PKIA: variants seen among roughly 807,000 people sequenced by gnomAD.
PKIA encodes PKI-alpha.
PKIA carries 4 observed loss-of-function variants against 7.6 expected under a neutral mutation model. The ratio of observed to expected loss-of-function variants is 0.52; its 90% CI spans 0.26 to 1.20. The LOEUF is 1.20. Among genes scored for constraint, PKIA ranks in the 50% most tolerant of loss-of-function variants. PKIA has a pLI of 0.13. For missense variants in PKIA, 73 were observed against 86.2 expected (o/e 0.85, Z 0.61); for synonymous variants, 21 against 30.7 (o/e 0.68, Z 1.04).
At chr8:78,576,221 C>T (rs1807671568) in intron 2 of PKIA, among the ~76,000 whole-genome samples, 1 of 152,002 alleles carries the variant, frequency 6.6e-6, no homozygotes, top group African/African-American at 2.4e-5. Context: ...TTGCATTTCC[C>T]TAATTACCAA....
At chr8:78,563,933 T>C (rs1390581506) in intron 1 of PKIA, among the ~76,000 whole-genome samples, 1 of 152,102 alleles carries the variant, frequency 6.6e-6, no homozygotes, top group African/African-American at 2.4e-5. Flanking sequence ...TGCTGTGAAG[T>C]TCTTGATCAG....
chr8:78,580,866 T>C (rs1563588017), intron 2 of PKIA, among the ~76,000 whole-genome samples: 1 of 152,046 alleles, frequency 6.6e-6, no homozygotes, highest in Admixed American at 6.6e-5. Context: ...AGTGCTGGTT[T>C]TCAATATATT....
At chr8:78,587,804 C>T (rs7829454) in intron 2 of PKIA, among the ~76,000 whole-genome samples, 40,174 of 152,032 alleles carry the variant, frequency 0.26, 6,664 homozygotes, top group African/African-American at 0.47. Context: ...GAGATCATAA[C>T]TGTGTTTATC....
rs1292124948 is a variant in PKIA at position 78,602,541 on chromosome 8, G to A, written c.*720G>A. The A allele has an allele frequency of 1.3e-5, 2 of 152,140 alleles. No homozygotes were observed. The highest frequency in any genetic ancestry group is 2.9e-5 in the Non-Finnish European group (2 of 67,902). The allele number at this position is 152,140 out of a possible 1,614,324, so 9.4% of individuals were successfully genotyped here. ...GTTGATGAGTTGATTAAGTCTAACA[G>A]ATTCATCAAGACTCCATTGCTTTAT... On this transcript the variant is annotated 3_prime_UTR_variant, in exon 4 of 4. Transcript: ENST00000396418.
chr8:78,550,023 G>T (rs942395624), intron 1 of PKIA, among the ~76,000 whole-genome samples: 13 of 151,968 alleles, frequency 8.6e-5, no homozygotes, highest in Non-Finnish European at 1.2e-4. Flanking sequence ...GCAAAGATCC[G>T]TTTCTTCCTC....
intron 3 of PKIA, among the ~76,000 whole-genome samples, chr8:78,600,719 G>T (rs942505309): frequency 1.3e-5 from 2 of 152,048 alleles, no homozygotes; most frequent in Non-Finnish European, 2.9e-5. Flanking sequence ...TACTGCTTTA[G>T]AAGAAAATAT....
At chr8:78,562,420 A>G (rs1347629040) in intron 1 of PKIA, among the ~76,000 whole-genome samples, 1 of 152,200 alleles carries the variant, frequency 6.6e-6, no homozygotes, top group Admixed American at 6.5e-5. Flanking sequence ...TGTCCTGCTT[A>G]AAACTTCTAA....
intron 1 of PKIA, among the ~76,000 whole-genome samples, chr8:78,521,654 A>G: frequency 6.6e-6 from 1 of 152,050 alleles, no homozygotes; most frequent in Middle Eastern, 3.2e-3. Flanking sequence ...AATGTTATGA[A>G]AACTTTATAA....
Position 78,604,537 on chromosome 8 carries a change from C to T in PKIA, c.*2716C>T, listed in dbSNP as rs974000680. The T allele has an allele frequency of 1.3e-5, 2 of 151,750 alleles. No individual in the cohort carries two copies. Among genetic ancestry groups the T allele is most frequent in the Non-Finnish European group, 2.9e-5 (2 of 67,910 alleles). The allele number at this position is 151,750 out of a possible 1,614,324, so 9.4% of individuals were successfully genotyped here. The stretch of plus-strand genomic sequence containing the variant: ...GGAGAAATTGCCGTTCTCAAGGCTC[C>T]CTGGATGGGTAATAACACAGATATG... On this transcript the variant is annotated 3_prime_UTR_variant, in exon 4 of 4. Coordinates refer to ENST00000396418, the MANE Select transcript of PKIA (RefSeq NM_006823.4).
rs76792005 is a variant in PKIA at position 78,575,598 on chromosome 8, T to A, written c.-28+2659T>A. Among the ~76,000 whole-genome samples the A allele has an allele frequency of 1.1e-4, 17 of 152,150 alleles. No homozygotes were observed. In the East Asian group the frequency reaches 3.3e-3, roughly 29 times the overall value. On this transcript the variant is annotated intron_variant, in intron 2 of 3. Transcript: ENST00000396418. ...TGAGCATGTATTTTAATGCCTCCTA[T>A]TATACACGTGCAAGATTTATCTTAA...
At chr8:78,518,114 G>A (rs1254166643) in intron 1 of PKIA, among the ~76,000 whole-genome samples, 2 of 151,948 alleles carry the variant, frequency 1.3e-5, no homozygotes, top group Non-Finnish European at 2.9e-5. Context: ...TACAAATTTC[G>A]TTTTTACAAA....
intron 1 of PKIA, among the ~76,000 whole-genome samples, chr8:78,537,362 A>G (rs573392743): frequency 4.6e-5 from 7 of 151,798 alleles, no homozygotes; most frequent in Non-Finnish European, 7.4e-5. Context: ...AACTGACTAA[A>G]TTTTTCCAAT....
At chr8:78,524,564 T>A (rs976469063) in intron 1 of PKIA, among the ~76,000 whole-genome samples, 5 of 151,378 alleles carry the variant, frequency 3.3e-5, no homozygotes, top group Non-Finnish European at 7.4e-5. Context: ...TAAAAAAGAG[T>A]TTTATGATAA....
At chr8:78,518,128 C>T (rs1187518224) in intron 1 of PKIA, among the ~76,000 whole-genome samples, 1 of 152,146 alleles carries the variant, frequency 6.6e-6, no homozygotes, top group Non-Finnish European at 1.5e-5. Context: ...TTACAAAATG[C>T]ACTTTAGAAA....
chr8:78,560,916 T>C (rs1807268037), intron 1 of PKIA, among the ~76,000 whole-genome samples: 1 of 152,226 alleles, frequency 6.6e-6, no homozygotes, highest in South Asian at 2.1e-4. Flanking sequence ...TCTAGTAAGC[T>C]GCAAAACCTA....
chr8:78,573,599 A>T (rs1464517884), intron 2 of PKIA, among the ~76,000 whole-genome samples: 1 of 152,038 alleles, frequency 6.6e-6, no homozygotes, highest in Non-Finnish European at 1.5e-5. Flanking sequence ...AACAGCAGTA[A>T]CATCATAATA....
intron 1 of PKIA, among the ~76,000 whole-genome samples, chr8:78,559,629 G>C (rs1056273968): frequency 6.6e-6 from 1 of 152,178 alleles, no homozygotes; most frequent in Non-Finnish European, 1.5e-5. Context: ...AAATGTCTGT[G>C]TGATGGAGAT....
chr8:78,558,193 T>A (rs920683453), intron 1 of PKIA, among the ~76,000 whole-genome samples: 6 of 152,166 alleles, frequency 3.9e-5, no homozygotes, highest in Admixed American at 1.3e-4. Context: ...CTTTGCAGTG[T>A]CCCTAAAATA....
At chr8:78,593,325 G>A (rs1156376446) in intron 2 of PKIA, among the ~76,000 whole-genome samples, 1 of 152,172 alleles carries the variant, frequency 6.6e-6, no homozygotes, top group Non-Finnish European at 1.5e-5. Context: ...GTTTCACCAT[G>A]TTGGTCAGGG....
Sources: gnomAD v4.1 joint callset for allele counts (sites outside exome capture counted in the v4.1 genomes callset) on GRCh38, gnomAD v4.1.1 for gene constraint, MANE v1.5 for transcripts, NCBI Gene and HGNC (gene_info 2026-07-23, HGNC 2026-07-21) for gene names.